The following STIMATE variants were observed in gnomAD, a reference collection of about 807,000 sequenced individuals.
STIMATE encodes store-operated calcium entry regulator STIMATE.
In STIMATE, 15 loss-of-function variants were observed where a neutral mutation model predicts 36.7. That is an observed-to-expected ratio of 0.41 (90% CI 0.27 to 0.63). The LOEUF (loss-of-function observed/expected upper bound fraction) is 0.63. Ranked by LOEUF, STIMATE falls within the 20% of genes least tolerant of loss-of-function variation. The pLI is 0.32. For missense variants in STIMATE, 305 were observed against 397.3 expected, an observed-to-expected ratio of 0.77 and a Z score of 1.98; for synonymous variants, 163 against 162.3, an observed-to-expected ratio of 1.00 and a Z score of -0.03.
intron 1 of STIMATE, among the ~76,000 whole-genome samples, chr3:52,875,631 C>G (rs1701490944): frequency 6.6e-6 from 1 of 152,278 alleles, no homozygotes; most frequent in Non-Finnish European, 1.5e-5. Context: ...CTCTTTGAAT[C>G]TGGAAGGAAA....
At position 52,842,960 on chromosome 3, in the gene STIMATE, C is replaced by G; in HGVS notation, c.619G>C (p.Ala207Pro). Reference protein sequence around the residue: ...VMLIVPFFVNALMFWVVDNFL... With the variant: ...VMLIVPFFVNPLMFWVVDNFL... The stretch of plus-strand genomic sequence containing the variant: ...TTGTCCACTACCCAAAACATCAAAG[C>G]CTGTGGGAAGGAAAAGTGCAGGTTA... The change falls in exon 7 of 8, where the codon GCT (alanine) becomes CCT (proline). Residue 207 changes from alanine to proline, a missense_variant and splice_region_variant. By Grantham distance (27) the Ala-to-Pro change is conservative. Coordinates refer to ENST00000355083, the MANE Select transcript of STIMATE (RefSeq NM_198563.5). 1 of 1,614,180 alleles carries G rather than the reference C, an allele frequency of 6.2e-7. No individual in the cohort carries two copies. The highest frequency in any genetic ancestry group is 8.5e-7 in the Non-Finnish European group (1 of 1,180,032).
intron 3 of STIMATE, 63 bp downstream of exon 3, chr3:52,852,540 A>C: frequency 3.1e-6 from 5 of 1,601,644 alleles, no homozygotes; most frequent in Non-Finnish European, 4.3e-6. Context: ...GCAGAAAGCA[A>C]GGCCAGCCTA....
At chr3:52,879,533 C>T (rs1475638326) in intron 1 of STIMATE, among the ~76,000 whole-genome samples, 1 of 152,154 alleles carries the variant, frequency 6.6e-6, no homozygotes, top group African/African-American at 2.4e-5. Flanking sequence ...AGCATGTACA[C>T]CAGTACAGGG....
chr3:52,846,450 A>C (rs139934885), intron 4 of STIMATE: 117 of 152,332 alleles, frequency 7.7e-4, no homozygotes, highest in African/African-American at 2.6e-3. Context: ...GCCACTAGGA[A>C]ATCTCTCTGT....
intron 1 of STIMATE, among the ~76,000 whole-genome samples, chr3:52,884,097 C>T (rs1701653214): frequency 6.6e-6 from 1 of 152,114 alleles, no homozygotes; most frequent in Admixed American, 6.5e-5. Context: ...AGGCTTTTTT[C>T]CCCTTTCTCT....
chr3:52,849,979 A>T, intron 3 of STIMATE, 66 bp from the exon 4 acceptor site: 1 of 1,558,594 alleles, frequency 6.4e-7, no homozygotes, highest in Non-Finnish European at 8.7e-7. Context: ...TGGCTGATGC[A>T]GGGTGGCCTG....
intron 3 of STIMATE, among the ~76,000 whole-genome samples, chr3:52,851,283 A>G (rs1310302404): frequency 6.6e-6 from 1 of 152,234 alleles, no homozygotes; most frequent in African/African-American, 2.4e-5. Flanking sequence ...AGTGGGAGAC[A>G]AGGGCACTGG....
chr3:52,846,530 C>A (rs1184425126), intron 4 of STIMATE: 1 of 152,208 alleles, frequency 6.6e-6, no homozygotes, highest in Non-Finnish European at 1.5e-5. Flanking sequence ...GATGTCCGCT[C>A]GCTCAGTGTG....
chr3:52,876,023 T>A (rs542923706), intron 1 of STIMATE, among the ~76,000 whole-genome samples: 195 of 152,310 alleles, frequency 1.3e-3, no homozygotes, highest in Non-Finnish European at 1.8e-3. Flanking sequence ...CTCTACTCCC[T>A]AAAGCCAGTA....
At chr3:52,864,288 G>T (rs906095309) in intron 1 of STIMATE, among the ~76,000 whole-genome samples, 1 of 152,180 alleles carries the variant, frequency 6.6e-6, no homozygotes, top group Non-Finnish European at 1.5e-5. Context: ...GCACTCGCAG[G>T]CTCAACATTA....
Position 52,877,218 on chromosome 3 carries a change from G to A in STIMATE, c.160+20073C>T, listed in dbSNP as rs751066698. ...CTGCCAGACCAGCCTGAAGCTGGGA[G>A]AGGGAAGGAAGAAAGCCCATGTTTA... is the stretch of plus-strand genomic sequence containing the variant. On this transcript the variant is annotated intron_variant, in intron 1 of 7. Transcript: ENST00000355083. Among the ~76,000 whole-genome samples, 112 of 152,216 alleles carry A rather than the reference G, an allele frequency of 7.4e-4. 1 individual carries two copies. The highest frequency in any genetic ancestry group is 2.1e-4 in the Non-Finnish European group (14 of 68,034).
intron 1 of STIMATE, among the ~76,000 whole-genome samples, chr3:52,880,670 G>C (rs1430700265): frequency 6.6e-6 from 1 of 152,124 alleles, no homozygotes; most frequent in African/African-American, 2.4e-5. Context: ...TCCATCAACT[G>C]CCTCCTTACA....
At chr3:52,847,560 A>G in intron 4 of STIMATE, 4 of 1,289,624 alleles carry the variant, frequency 3.1e-6, no homozygotes, top group Non-Finnish European at 4.0e-6. Context: ...TTCTAGGAAC[A>G]AAAGACACAT....
intron 1 of STIMATE, among the ~76,000 whole-genome samples, chr3:52,884,090 CTTT>C (rs1041965305): frequency 6.6e-6 from 1 of 152,104 alleles, no homozygotes; most frequent in Admixed American, 6.5e-5. Flanking sequence ...CATTTCAAGG[CTTT>C]TTTCCCCTTT....
chr3:52,891,715 G>A (rs1701785999), intron 1 of STIMATE, among the ~76,000 whole-genome samples: 1 of 152,014 alleles, frequency 6.6e-6, no homozygotes, highest in Non-Finnish European at 1.5e-5. Context: ...CTGTGAAGAG[G>A]GCTAAAGGTA....
At chr3:52,877,939 C>T (rs1420383384) in intron 1 of STIMATE, among the ~76,000 whole-genome samples, 1 of 151,922 alleles carries the variant, frequency 6.6e-6, no homozygotes, top group Non-Finnish European at 1.5e-5. Context: ...ACTAAAAATA[C>T]AAAAAATTAG....
intron 1 of STIMATE, among the ~76,000 whole-genome samples, chr3:52,895,525 A>C (rs1296604202): frequency 6.6e-6 from 1 of 152,232 alleles, no homozygotes; most frequent in African/African-American, 2.4e-5. Context: ...ATCTCTGCAC[A>C]CAGAAAGTAC....
intron 1 of STIMATE, among the ~76,000 whole-genome samples, chr3:52,869,712 G>C (rs1039194958): frequency 2.6e-5 from 4 of 152,236 alleles, no homozygotes; most frequent in African/African-American, 9.6e-5. Context: ...CTGGAATGAA[G>C]TAGGCACTTA....
rs550275840 is a variant in STIMATE at position 52,876,742 on chromosome 3, T to C, written c.160+20549A>G. On this transcript the variant is annotated intron_variant, in intron 1 of 7. Coordinates refer to ENST00000355083, the MANE Select transcript of STIMATE (RefSeq NM_198563.5). ...CATTTTATTGTAAGAATACCATATA[T>C]AATACATATATAAAATATGTGTTAA... Among the ~76,000 whole-genome samples, 53 of 152,350 alleles carry C rather than the reference T, an allele frequency of 3.5e-4. 1 individual carries two copies. In the South Asian group the frequency reaches 0.011, roughly 31 times the overall value.
Sources: gnomAD v4.1 joint callset for allele counts (sites outside exome capture counted in the v4.1 genomes callset) on GRCh38, gnomAD v4.1.1 for gene constraint, MANE v1.5 for transcripts, NCBI Gene and HGNC (gene_info 2026-07-23, HGNC 2026-07-21) for gene names.